TARBP1: variants seen among roughly 807,000 people sequenced by gnomAD.
TARBP1 encodes tRNA (guanosine(18)-2'-O)-methyltransferase TARBP1.
A neutral mutation model predicts 178.6 loss-of-function variants in TARBP1; 144 were observed. The observed-to-expected ratio is 0.81, with a 90% confidence interval of 0.70 to 0.93. The LOEUF is 0.93. Among genes scored for constraint, TARBP1 ranks in the 40% least tolerant of loss-of-function variants. The pLI, the probability that TARBP1 is intolerant of heterozygous loss-of-function variation, is 0.00. For missense variants in TARBP1, 2,067 were observed against 2,011.7 expected (o/e 1.03, Z -0.53); for synonymous variants, 787 against 781.0 (o/e 1.01, Z -0.13).
intron 9 of TARBP1, among the ~76,000 whole-genome samples, chr1:234,454,302 CAG>C (rs1249449966): frequency 6.6e-6 from 1 of 152,086 alleles, no homozygotes; most frequent in African/African-American, 2.4e-5. Context: ...TCTGACCAAA[CAG>C]AAAGAAAATA....
At chr1:234,460,445 A>T (rs1481328769) in intron 6 of TARBP1, 49 bp from the exon 7 acceptor site, 2 of 1,598,244 alleles carry the variant, frequency 1.3e-6, no homozygotes, top group Non-Finnish European at 1.7e-6. Flanking sequence ...AGCACATGAA[A>T]AGAAGCTCAA....
At chr1:234,465,145 G>A (rs1668307068) in intron 5 of TARBP1, among the ~76,000 whole-genome samples, 1 of 152,096 alleles carries the variant, frequency 6.6e-6, no homozygotes, top group Non-Finnish European at 1.5e-5. Flanking sequence ...GAGTAAGTCT[G>A]GTCAGTAGAC....
At chr1:234,447,394 C>CTTT (rs36066908) in intron 11 of TARBP1, among the ~76,000 whole-genome samples, 3 of 104,620 alleles carry the variant, frequency 2.9e-5, no homozygotes, top group African/African-American at 1.1e-4. Flanking sequence ...TGTTAACCAA[C>CTTT]TTTTTTTTTT....
rs771309759 is a variant in TARBP1 at position 234,478,660 on chromosome 1, C to A, written c.444G>T (p.Gly148=). 1 of 1,265,204 alleles carries A rather than the reference C, an allele frequency of 7.9e-7. No homozygotes were observed. 78.4% of individuals were successfully genotyped at this position (1,265,204 alleles called of 1,614,324 possible). A position where few individuals can be genotyped will look rare whatever the true frequency, so the allele number is the denominator to read the frequency against. Residue 148 remains glycine, a synonymous_variant, in exon 1 of 30, where the codon GGG becomes GGT. Coordinates refer to ENST00000040877, the MANE Select transcript of TARBP1 (RefSeq NM_005646.4). ...CGTCCTCGCGGGGCCGCAAACATGG[C>A]CCGACGGCTGCTAGCACTTCCACGG... ...EAAVEVLAAV[G]PCLRPREDGP... is the part of the protein sequence containing the mutation.
At chr1:234,477,992 A>C (rs942444452) in intron 1 of TARBP1, among the ~76,000 whole-genome samples, 181 bp downstream of exon 1, 2 of 152,198 alleles carry the variant, frequency 1.3e-5, no homozygotes, top group African/African-American at 4.8e-5. Context: ...TTGTGACTTC[A>C]AAGAACACCC....
chr1:234,456,293 C>T (rs900673834), intron 9 of TARBP1, among the ~76,000 whole-genome samples: 2 of 152,348 alleles, frequency 1.3e-5, no homozygotes, highest in East Asian at 1.9e-4. Flanking sequence ...CTCCGCCTCC[C>T]GGATTCAAGC....
intron 21 of TARBP1, among the ~76,000 whole-genome samples, chr1:234,418,853 A>G (rs538237): frequency 0.095 from 14,434 of 152,274 alleles, 830 homozygotes; most frequent in African/African-American, 0.15. Context: ...GTGAAAAACA[A>G]TATCTACTTA....
rs1479902284 is a variant in TARBP1, at chr1:234,460,246, T to C, written c.1535+15A>G. On this transcript the variant is annotated intron_variant, in intron 7 of 29. Transcript: ENST00000040877. ...TGGCAAATAACCATACAAGTACATA[T>C]ACAGAGTAAATTACCTGAGAGCAAG... 19 of 1,611,280 alleles carry C rather than the reference T, an allele frequency of 1.2e-5. No homozygotes were observed. Among genetic ancestry groups the C allele is most frequent in the Non-Finnish European group, 1.4e-5 (17 of 1,179,310 alleles).
chr1:234,427,077 C>T (rs1663861974), intron 19 of TARBP1, among the ~76,000 whole-genome samples: 1 of 152,200 alleles, frequency 6.6e-6, no homozygotes, highest in East Asian at 1.9e-4. Context: ...TCCTTGTTTA[C>T]GCTGGAGTCG....
chr1:234,415,374 G>C (rs1461703345), intron 22 of TARBP1, among the ~76,000 whole-genome samples: 2 of 152,100 alleles, frequency 1.3e-5, no homozygotes, highest in Non-Finnish European at 2.9e-5. Context: ...AGAAGATTTA[G>C]GTATTCCTAG....
At chr1:234,420,567 CAATTTT>C (rs1293553339) in intron 21 of TARBP1, 129 bp downstream of exon 21, 3 of 496,840 alleles carry the variant, frequency 6.0e-6, no homozygotes, top group Admixed American at 4.2e-5. Context: ...TGAATAACTT[CAATTTT>C]AAGAACTGCA....
chr1:234,463,722 A>T, intron 6 of TARBP1, 115 bp downstream of exon 6: 1 of 546,622 alleles, frequency 1.8e-6, no homozygotes, highest in Non-Finnish European at 3.1e-6. Context: ...CTGGAAAAGG[A>T]AACCATTTTG....
chr1:234,431,393 T>C (rs1280202685), intron 14 of TARBP1, among the ~76,000 whole-genome samples: 4 of 152,240 alleles, frequency 2.6e-5, no homozygotes, highest in Non-Finnish European at 5.9e-5. Context: ...GGTTTGGTTG[T>C]ATATTTAGAA....
chr1:234,460,462 T>C, intron 6 of TARBP1, 66 bp from the exon 7 acceptor site: 1 of 1,523,316 alleles, frequency 6.6e-7, no homozygotes, highest in East Asian at 2.3e-5. Flanking sequence ...TCAATACCAT[T>C]AGGTATTAGG....
chr1:234,393,061 G>T (rs973963966), intron 28 of TARBP1, among the ~76,000 whole-genome samples: 1 of 152,104 alleles, frequency 6.6e-6, no homozygotes. Flanking sequence ...CATCAAGAGT[G>T]GGCTGTAACA....
chr1:234,429,347 A>G (rs373151806), intron 16 of TARBP1, 23 bp from the exon 17 acceptor site: 225 of 1,567,432 alleles, frequency 1.4e-4, no homozygotes, highest in Middle Eastern at 8.5e-4. Flanking sequence ...AAAAAAATAC[A>G]TACTTATTTC....
intron 23 of TARBP1, among the ~76,000 whole-genome samples, chr1:234,408,334 T>C (rs1383249003): frequency 6.6e-6 from 1 of 152,188 alleles, no homozygotes; most frequent in Non-Finnish European, 1.5e-5. Context: ...CAAGCTGTCC[T>C]TGTTCATTCC....
intron 11 of TARBP1, 128 bp downstream of exon 11, chr1:234,448,352 A>T: frequency 1.4e-6 from 1 of 700,022 alleles, no homozygotes; most frequent in Non-Finnish European, 2.5e-6. Flanking sequence ...GTATACTGTT[A>T]ATGTTCTAGT....
chr1:234,471,099 C>A, intron 3 of TARBP1, 89 bp downstream of exon 3: 1 of 1,011,742 alleles, frequency 9.9e-7, no homozygotes. Context: ...TATAGTTTTT[C>A]AAAATTCTCT....
Sources: gnomAD v4.1 joint callset for allele counts (sites outside exome capture counted in the v4.1 genomes callset) on GRCh38, gnomAD v4.1.1 for gene constraint, MANE v1.5 for transcripts, NCBI Gene and HGNC (gene_info 2026-07-23, HGNC 2026-07-21) for gene names.